The following FAM184B variants were observed in gnomAD, a reference collection of about 807,000 sequenced individuals.
FAM184B encodes family with sequence similarity 184 member B, also known as protein FAM184B.
A neutral mutation model predicts 135.9 loss-of-function variants in FAM184B; 111 were observed. The ratio of observed to expected loss-of-function variants is 0.82; its 90% confidence interval spans 0.70 to 0.96. The LOEUF (loss-of-function observed/expected upper bound fraction) is 0.96, where lower values mean the gene tolerates loss of function less well. FAM184B is among the 40% of genes least tolerant of loss of function. FAM184B has a pLI of 0.00. For synonymous variants in FAM184B, 552 were observed against 524.8 expected, an observed-to-expected ratio of 1.05 and a Z score of -0.71; for missense variants, 1,375 against 1,323.9, an observed-to-expected ratio of 1.04 and a Z score of -0.60.
intron 11 of FAM184B, among the ~76,000 whole-genome samples, chr4:17,651,460 C>T (rs1418407127): frequency 7.0e-6 from 1 of 142,296 alleles, no homozygotes. Context: ...ATGGTGTGAA[C>T]CCAGGAGGCG....
intron 1 of FAM184B, among the ~76,000 whole-genome samples, chr4:17,754,718 C>A (rs1718381974): frequency 6.6e-6 from 1 of 152,022 alleles, no homozygotes; most frequent in Non-Finnish European, 1.5e-5. Context: ...AAACCATTTT[C>A]AATAATCACA....
chr4:17,684,919 A>C (rs767148433), intron 7 of FAM184B, among the ~76,000 whole-genome samples: 1 of 152,188 alleles, frequency 6.6e-6, no homozygotes, highest in Non-Finnish European at 1.5e-5. Flanking sequence ...GGAAGCCATT[A>C]TCCTCAGCAA....
At chr4:17,645,881 CA>C (rs917422141) in intron 12 of FAM184B, among the ~76,000 whole-genome samples, 7 of 150,324 alleles carry the variant, frequency 4.7e-5, no homozygotes, top group African/African-American at 1.7e-4. Context: ...AAATTTACAA[CA>C]AAAAAACAAA....
At chr4:17,666,705 T>G (rs1210894492) in intron 7 of FAM184B, among the ~76,000 whole-genome samples, 19 of 151,926 alleles carry the variant, frequency 1.3e-4, no homozygotes, top group African/African-American at 4.4e-4. Context: ...CTCTATGTTT[T>G]TCTCACAATA....
intron 16 of FAM184B, 30 bp from the exon 17 acceptor site, chr4:17,633,918 ATGC>A: frequency 3.0e-6 from 4 of 1,355,146 alleles, no homozygotes; most frequent in South Asian, 1.7e-5. Context: ...GGTTAGTGCA[ATGC>A]AATGCAAAAA....
At chr4:17,641,908 G>A (rs924553754) in intron 13 of FAM184B, 148 bp downstream of exon 13, 22 of 1,198,252 alleles carry the variant, frequency 1.8e-5, no homozygotes, top group African/African-American at 1.3e-4. Context: ...AAATGCTGGC[G>A]CATTCAGTGT....
intron 1 of FAM184B, among the ~76,000 whole-genome samples, chr4:17,723,487 T>A (rs866565041): frequency 6.6e-6 from 1 of 152,216 alleles, no homozygotes; most frequent in Non-Finnish European, 1.5e-5. Flanking sequence ...TGCTAATGAT[T>A]CTGTTGAATT....
chr4:17,677,119 C>A (rs1412915712), intron 7 of FAM184B, among the ~76,000 whole-genome samples: 3 of 152,082 alleles, frequency 2.0e-5, no homozygotes, highest in Non-Finnish European at 4.4e-5. Context: ...ACAATCTCAG[C>A]TAACTGCAAC....
At chr4:17,711,926 G>A (rs1717282282) in intron 1 of FAM184B, among the ~76,000 whole-genome samples, 1 of 152,212 alleles carries the variant, frequency 6.6e-6, no homozygotes, top group African/African-American at 2.4e-5. Context: ...AGCTGAGTTG[G>A]AGGACAGGAA....
intron 8 of FAM184B, 39 bp from the exon 9 acceptor site, chr4:17,660,126 G>C (rs1577250942): frequency 6.5e-7 from 1 of 1,547,732 alleles, no homozygotes. Flanking sequence ...AAAGATCCTA[G>C]GGCTAGGAAT....
chr4:17,693,529 C>G, intron 5 of FAM184B, 117 bp from the exon 6 acceptor site: 1 of 727,894 alleles, frequency 1.4e-6, no homozygotes, highest in South Asian at 1.8e-5. Context: ...TACAACACTG[C>G]AAATAAACAT....
intron 1 of FAM184B, among the ~76,000 whole-genome samples, chr4:17,721,406 A>AAAAAAAAAAAAAAAAAAAAC (rs1560185395): frequency 1.4e-5 from 2 of 143,300 alleles, no homozygotes; most frequent in South Asian, 2.3e-4. Flanking sequence ...AAAAAAAAAA[A>AAAAAAAAAAAAAAAAAAAAC]TCTCTTTGCC....
At chr4:17,744,396 G>A (rs539109564) in intron 1 of FAM184B, among the ~76,000 whole-genome samples, 177 of 151,906 alleles carry the variant, frequency 1.2e-3, no homozygotes, top group Admixed American at 3.2e-3. Flanking sequence ...CTGAAGGCGC[G>A]AGGCAGGCCT....
At chr4:17,755,538 C>T (rs1432622932) in intron 1 of FAM184B, among the ~76,000 whole-genome samples, 1 of 152,100 alleles carries the variant, frequency 6.6e-6, no homozygotes, top group African/African-American at 2.4e-5. Flanking sequence ...TACCATTTGA[C>T]CCAGCAATCC....
At chr4:17,763,517 C>T (rs1335057507) in intron 1 of FAM184B, among the ~76,000 whole-genome samples, 7 of 152,084 alleles carry the variant, frequency 4.6e-5, no homozygotes, top group East Asian at 1.9e-4. Flanking sequence ...AAATAGGCCC[C>T]GCTCCAGGGG....
chr4:17,682,461 C>G (rs189418005), intron 7 of FAM184B, among the ~76,000 whole-genome samples: 109 of 151,624 alleles, frequency 7.2e-4, no homozygotes, highest in South Asian at 1.7e-3. Flanking sequence ...TTATTTTTAT[C>G]TCTCTCTCTC....
At position 17,647,738 on chromosome 4, in the gene FAM184B, T is replaced by C. The variant is rs542919139; in HGVS notation, c.2245A>G (p.Lys749Glu). The change falls in exon 12 of 18, where the codon AAG becomes GAG. Residue 749 changes from lysine to glutamate, a missense_variant. Transcript: ENST00000265018. ...TCGGCCTGCAGTGCCTCCAAGTCCT[T>C]CTGGTGCCCAGAACAGGCAGCTTGC... ...EQQAACSGHQ[K>E]DLEALQAELR... 6.4e-7 allele frequency: 1 copy of C among 1,551,058 alleles called. No homozygotes were observed. The highest frequency in any genetic ancestry group is 1.2e-5 in the South Asian group (1 of 84,030).
chr4:17,680,072 A>C (rs1009105861), intron 7 of FAM184B, among the ~76,000 whole-genome samples: 7 of 152,224 alleles, frequency 4.6e-5, no homozygotes, highest in Non-Finnish European at 8.8e-5. Context: ...CACTGGGTAC[A>C]GTGTACACTG....
chr4:17,675,324 A>G (rs1483878551), intron 7 of FAM184B, among the ~76,000 whole-genome samples: 1 of 152,156 alleles, frequency 6.6e-6, no homozygotes, highest in Non-Finnish European at 1.5e-5. Context: ...GGTGGTCAGT[A>G]AGCAATAATA....
Sources: gnomAD v4.1 joint callset for allele counts (sites outside exome capture counted in the v4.1 genomes callset) on GRCh38, gnomAD v4.1.1 for gene constraint, MANE v1.5 for transcripts, NCBI Gene and HGNC (gene_info 2026-07-23, HGNC 2026-07-21) for gene names.